The following AKAP13 variants were observed in gnomAD, a reference collection of about 807,000 sequenced individuals.
AKAP13 encodes the protein A-kinase anchor protein 13.
In AKAP13, 80 loss-of-function variants were observed where a neutral mutation model predicts 264.5. The ratio of observed to expected loss-of-function variants is 0.30; its 90% confidence interval spans 0.25 to 0.36. The LOEUF is 0.36. AKAP13 is among the 10% of genes least tolerant of loss of function. The pLI is 1.00. For synonymous variants in AKAP13, 1,380 were observed against 1,250.2 expected (o/e 1.10, Z -2.19); for missense variants, 3,712 against 3,435.2 (o/e 1.08, Z -2.01).
intron 33 of AKAP13, among the ~76,000 whole-genome samples, chr15:85,737,895 T>TC (rs1433906562): frequency 6.6e-6 from 1 of 151,998 alleles, no homozygotes; most frequent in African/African-American, 2.4e-5. Context: ...TACCTCAGCC[T>TC]CCCAAAGTGC....
At chr15:85,410,564 G>T (rs752417499) in intron 1 of AKAP13, among the ~76,000 whole-genome samples, 9 of 151,452 alleles carry the variant, frequency 5.9e-5, no homozygotes, top group Admixed American at 1.3e-4. Context: ...TAGTATATTG[G>T]CAGTGTCAGT....
chr15:85,693,318 A>G lies in AKAP13; in HGVS notation c.5331A>G (p.Lys1777=). The G allele has an allele frequency of 1.2e-6, 2 of 1,607,844 alleles. No individual in the cohort carries two copies. The highest frequency in any genetic ancestry group is 1.7e-6 in the Non-Finnish European group (2 of 1,178,610). ...AAGATAAGATTAAGGAGAAGGAGAAAGATTCTAAAGACAAGGAGAAAGATA... is the reference window on the plus strand; with the variant it reads ...AAGATAAGATTAAGGAGAAGGAGAAGGATTCTAAAGACAAGGAGAAAGATA... The part of the protein sequence containing the change: ...KEKDKIKEKE[K]DSKDKEKDKK... The change falls in exon 17 of 37, where the codon AAA becomes AAG. Residue 1777 remains lysine, a synonymous_variant. Coordinates refer to ENST00000394518, the MANE Select transcript of AKAP13 (RefSeq NM_007200.5).
chr15:85,729,188 A>C (rs968577900), intron 29 of AKAP13, among the ~76,000 whole-genome samples: 3 of 151,878 alleles, frequency 2.0e-5, no homozygotes, highest in Non-Finnish European at 4.4e-5. Flanking sequence ...AATCCCAGCT[A>C]CTTAGGAGGC....
intron 14 of AKAP13, among the ~76,000 whole-genome samples, chr15:85,679,422 T>A (rs1279213031): frequency 6.6e-6 from 1 of 152,284 alleles, no homozygotes; most frequent in East Asian, 1.9e-4. Flanking sequence ...CTAGTAAGAA[T>A]TATGTGTGGG....
chr15:85,429,270 A>G (rs1211128708), intron 1 of AKAP13, among the ~76,000 whole-genome samples: 1 of 152,110 alleles, frequency 6.6e-6, no homozygotes, highest in African/African-American at 2.4e-5. Context: ...GGAATCATGT[A>G]TTACTTCTAG....
At chr15:85,420,550 A>C (rs1339986157) in intron 1 of AKAP13, among the ~76,000 whole-genome samples, 2 of 152,216 alleles carry the variant, frequency 1.3e-5, no homozygotes, top group Admixed American at 1.3e-4. Context: ...ATACTCATTG[A>C]AAGTTGATAC....
At chr15:85,411,994 A>T (rs2150872746) in intron 1 of AKAP13, among the ~76,000 whole-genome samples, 1 of 152,352 alleles carries the variant, frequency 6.6e-6, no homozygotes, top group East Asian at 1.9e-4. Context: ...TGAGTAAAGT[A>T]ATGATATTAA....
intron 16 of AKAP13, among the ~76,000 whole-genome samples, chr15:85,689,058 C>A (rs338552): frequency 0.14 from 21,032 of 152,190 alleles, 2,036 homozygotes; most frequent in East Asian, 0.37. Context: ...TTTGCACCAA[C>A]CTAATACTAA....
chr15:85,609,385 T>C (rs2080497976), intron 8 of AKAP13, among the ~76,000 whole-genome samples: 1 of 152,232 alleles, frequency 6.6e-6, no homozygotes, highest in African/African-American at 2.4e-5. Flanking sequence ...TTTCTGTGCT[T>C]GGTTTATTTC....
At chr15:85,663,292 A>G (rs1404832912) in intron 12 of AKAP13, among the ~76,000 whole-genome samples, 1 of 148,322 alleles carries the variant, frequency 6.7e-6, no homozygotes, top group African/African-American at 2.5e-5. Flanking sequence ...CCTGGGCAAC[A>G]GAGGGAGGCT....
intron 17 of AKAP13, among the ~76,000 whole-genome samples, chr15:85,694,317 C>T (rs1262418061): frequency 2.6e-5 from 4 of 152,192 alleles, no homozygotes; most frequent in African/African-American, 9.7e-5. Flanking sequence ...GCAGGAGTTG[C>T]TTAACTTTTT....
chr15:85,494,326 G>A (rs2075814589), intron 2 of AKAP13, among the ~76,000 whole-genome samples: 1 of 152,204 alleles, frequency 6.6e-6, no homozygotes, highest in South Asian at 2.1e-4. Flanking sequence ...TTCTGATGAA[G>A]GAGGAGGAAA....
chr15:85,747,070 A>C lies in AKAP13; in HGVS notation c.*2393A>C, dbSNP rs1158425513. On this transcript the variant is annotated 3_prime_UTR_variant, in exon 37 of 37. Transcript: ENST00000394518. ...AAAAATAGAGATTTCACATCTGCCCAGACCCCACTCAAAACGATTTGGTCA... is the reference window on the plus strand; with the variant it reads ...AAAAATAGAGATTTCACATCTGCCCCGACCCCACTCAAAACGATTTGGTCA... 1 of 152,214 alleles carries C rather than the reference A, an allele frequency of 6.6e-6. No homozygotes were observed. Among genetic ancestry groups the C allele is most frequent in the African/African-American group, 2.4e-5 (1 of 41,440 alleles). The allele number at this position is 152,214 out of a possible 1,614,324, so 9.4% of individuals were successfully genotyped here.
chr15:85,468,932 T>TTTTTTTAG (rs1567072793), intron 1 of AKAP13, among the ~76,000 whole-genome samples: 1 of 137,614 alleles, frequency 7.3e-6, no homozygotes. Context: ...TTTTTTTTTT[T>TTTTTTTAG]AATCAGACTT....
chr15:85,686,271 TAAAC>T (rs1413841081), intron 16 of AKAP13, among the ~76,000 whole-genome samples: 2 of 152,004 alleles, frequency 1.3e-5, no homozygotes, highest in African/African-American at 4.8e-5. Flanking sequence ...AGTAAGGGAA[TAAAC>T]AAACATTGAA....
chr15:85,715,336 C>T (rs897174268), intron 19 of AKAP13, among the ~76,000 whole-genome samples: 3 of 152,158 alleles, frequency 2.0e-5, no homozygotes, highest in African/African-American at 7.2e-5. Flanking sequence ...TTGTGATACT[C>T]ATGTCATTTT....
intron 16 of AKAP13, among the ~76,000 whole-genome samples, chr15:85,687,390 C>T (rs1485109372): frequency 6.6e-6 from 1 of 152,112 alleles, no homozygotes; most frequent in Non-Finnish European, 1.5e-5. Flanking sequence ...CAGGAGAAAA[C>T]ATATTTTGTG....
chr15:85,555,717 A>G (rs1458020917), intron 5 of AKAP13, among the ~76,000 whole-genome samples: 2 of 152,178 alleles, frequency 1.3e-5, no homozygotes, highest in Admixed American at 1.3e-4. Context: ...CATGCTAGGC[A>G]AGGTAAGAAG....
chr15:85,405,161 C>T (rs1043698895), intron 1 of AKAP13, among the ~76,000 whole-genome samples: 7 of 152,002 alleles, frequency 4.6e-5, no homozygotes, highest in Non-Finnish European at 1.0e-4. Flanking sequence ...TTAGTTTTGT[C>T]TTGGTGTCTT....
Sources: gnomAD v4.1 joint callset for allele counts (sites outside exome capture counted in the v4.1 genomes callset) on GRCh38, gnomAD v4.1.1 for gene constraint, MANE v1.5 for transcripts, NCBI Gene and HGNC (gene_info 2026-07-23, HGNC 2026-07-21) for gene names.